The following PPFIA2 variants were observed in gnomAD, a reference collection of about 807,000 sequenced individuals.
PPFIA2 encodes the protein PPFI scaffold protein A2.
A neutral mutation model predicts 175.5 loss-of-function variants in PPFIA2; 46 were observed. The ratio of observed to expected loss-of-function variants is 0.26; its 90% CI spans 0.21 to 0.34. PPFIA2 has a LOEUF of 0.34. Among genes scored for constraint, PPFIA2 ranks in the 10% least tolerant of loss-of-function variants. PPFIA2 has a pLI of 1.00. For missense variants in PPFIA2, 1,179 were observed against 1,506.1 expected (o/e 0.78, Z 3.60); for synonymous variants, 568 against 511.4 (o/e 1.11, Z -1.49).
At chr12:81,525,396 A>C (rs2153271747) in intron 4 of PPFIA2, among the ~76,000 whole-genome samples, 1 of 152,312 alleles carries the variant, frequency 6.6e-6, no homozygotes, top group African/African-American at 2.4e-5. Flanking sequence ...TGACTAAACC[A>C]GGTAAAAGCT....
chr12:81,527,493 T>A (rs1038587353), intron 4 of PPFIA2, among the ~76,000 whole-genome samples: 3 of 152,136 alleles, frequency 2.0e-5, no homozygotes, highest in Admixed American at 2.0e-4. Context: ...CATGAACACA[T>A]CCTCCCCTCC....
chr12:81,301,166 C>A (rs2047739570), intron 22 of PPFIA2, among the ~76,000 whole-genome samples: 1 of 151,854 alleles, frequency 6.6e-6, no homozygotes, highest in Admixed American at 6.6e-5. Flanking sequence ...GCATTCCAAG[C>A]AGGAGAAGCA....
intron 10 of PPFIA2, among the ~76,000 whole-genome samples, chr12:81,375,250 A>T (rs980018320): frequency 6.6e-6 from 1 of 152,174 alleles, no homozygotes; most frequent in Non-Finnish European, 1.5e-5. Context: ...ACTGCGTTGT[A>T]GCACAAAAAC....
At chr12:81,379,554 C>T (rs1226087783) in intron 9 of PPFIA2, among the ~76,000 whole-genome samples, 2 of 152,048 alleles carry the variant, frequency 1.3e-5, no homozygotes, top group Non-Finnish European at 2.9e-5. Flanking sequence ...ACTGGCACAG[C>T]TATGTATTTG....
chr12:81,295,340 T>A (rs1343304866), intron 23 of PPFIA2, among the ~76,000 whole-genome samples: 1 of 152,146 alleles, frequency 6.6e-6, no homozygotes, highest in Non-Finnish European at 1.5e-5. Flanking sequence ...AAGTTCCCCT[T>A]TGTATGTAGG....
At chr12:81,471,297 C>T (rs1031425751) in intron 4 of PPFIA2, 1 of 151,670 alleles carries the variant, frequency 6.6e-6, no homozygotes, top group Non-Finnish European at 1.5e-5. Flanking sequence ...AGATACACTC[C>T]ACTACTCAAA....
At chr12:81,605,552 A>G (rs2060204377) in intron 4 of PPFIA2, among the ~76,000 whole-genome samples, 1 of 151,866 alleles carries the variant, frequency 6.6e-6, no homozygotes, top group Admixed American at 6.6e-5. Flanking sequence ...TGCAGCCCAG[A>G]TGGACAATAC....
At chr12:81,267,291 A>G in intron 29 of PPFIA2, 1 of 491,278 alleles carries the variant, frequency 2.0e-6, no homozygotes, top group South Asian at 1.7e-5. Context: ...CTATATTTCA[A>G]TTGAGTATTT....
At chr12:81,716,906 C>T (rs977442511) in intron 3 of PPFIA2, among the ~76,000 whole-genome samples, 1 of 150,940 alleles carries the variant, frequency 6.6e-6, no homozygotes, top group African/African-American at 2.4e-5. Context: ...AAGGAAGTTC[C>T]CACCAGGAAA....
At chr12:81,636,878 C>G (rs1279541377) in intron 4 of PPFIA2, among the ~76,000 whole-genome samples, 2 of 151,944 alleles carry the variant, frequency 1.3e-5, no homozygotes, top group African/African-American at 2.4e-5. Context: ...GTCTCAAACT[C>G]CTGACCTCAA....
At chr12:81,644,249 G>A (rs189869387) in intron 4 of PPFIA2, among the ~76,000 whole-genome samples, 30 of 151,902 alleles carry the variant, frequency 2.0e-4, no homozygotes, top group African/African-American at 6.8e-4. Flanking sequence ...ATATTCTATT[G>A]TCTGAAAATC....
rs1397366459 is a variant in PPFIA2, at chr12:81,632,296, T to C, written c.303+44495A>G. 3.3e-5 allele frequency among the ~76,000 whole-genome samples: 5 copies of C among 152,136 alleles called. 1 individual carries two copies. The highest frequency in any genetic ancestry group is 1.9e-4 in the East Asian group (1 of 5,200). On this transcript the variant is annotated intron_variant, in intron 4 of 32. Coordinates refer to ENST00000549396, the MANE Select transcript of PPFIA2 (RefSeq NM_003625.5). Reference sequence around the variant, plus strand: ...ATCACCCCAAATCATTCTGTAAATATTTGGCAATGCTAGTTTTGTTACTCC... The same window carrying C: ...ATCACCCCAAATCATTCTGTAAATACTTGGCAATGCTAGTTTTGTTACTCC...
Position 81,425,906 on chromosome 12 carries a change from TA to T in PPFIA2, c.645+14065del, listed in dbSNP as rs1404084252. 5.9e-5 allele frequency among the ~76,000 whole-genome samples: 9 copies of T among 152,284 alleles called. No individual in the cohort carries two copies. In the South Asian group the frequency reaches 6.2e-4, roughly 11 times the overall value. On this transcript the variant is annotated intron_variant, in intron 7 of 32. Coordinates refer to ENST00000549396, the MANE Select transcript of PPFIA2 (RefSeq NM_003625.5). ...AGCACTATTTGTAAAAATATTCAAT[TA>T]AAAAAATTAAGATGATTTATAGTTG...
At chr12:81,566,449 G>T (rs911771956) in intron 4 of PPFIA2, among the ~76,000 whole-genome samples, 1 of 150,002 alleles carries the variant, frequency 6.7e-6, no homozygotes, top group Non-Finnish European at 1.5e-5. Flanking sequence ...ACTTGAAGCC[G>T]GGAGGCGGAG....
intron 4 of PPFIA2, among the ~76,000 whole-genome samples, chr12:81,581,957 A>T (rs1004723931): frequency 6.6e-6 from 1 of 151,916 alleles, no homozygotes; most frequent in Non-Finnish European, 1.5e-5. Context: ...TACTTTAAAA[A>T]TAAACTGAAC....
intron 4 of PPFIA2, among the ~76,000 whole-genome samples, chr12:81,646,168 C>T (rs1212298474): frequency 2.6e-5 from 4 of 152,134 alleles, no homozygotes; most frequent in Admixed American, 2.0e-4. Flanking sequence ...AAGCCATCTG[C>T]TACTGAGGGA....
At chr12:81,658,277 A>AG (rs2068113341) in intron 4 of PPFIA2, among the ~76,000 whole-genome samples, 1 of 130,650 alleles carries the variant, frequency 7.7e-6, no homozygotes, top group Non-Finnish European at 1.5e-5. Context: ...TCAAAAAAAA[A>AG]AAAAAAAGAA....
At chr12:81,266,406 T>C (rs2037276707) in intron 30 of PPFIA2, among the ~76,000 whole-genome samples, 1 of 152,192 alleles carries the variant, frequency 6.6e-6, no homozygotes, top group South Asian at 2.1e-4. Flanking sequence ...AATATGCACA[T>C]ATTATATAGC....
chr12:81,287,446 A>G (rs2043741537), intron 24 of PPFIA2, among the ~76,000 whole-genome samples: 1 of 151,908 alleles, frequency 6.6e-6, no homozygotes, highest in Admixed American at 6.6e-5. Flanking sequence ...CAAAATAAGC[A>G]TATACCCAGG....
Sources: allele counts gnomAD v4.1 joint callset (sites outside exome capture counted in the v4.1 genomes callset), GRCh38; gene constraint gnomAD v4.1.1; transcripts MANE v1.5; gene names NCBI Gene and HGNC (gene_info 2026-07-23, HGNC 2026-07-21).